GSE1: variants seen among roughly 807,000 people sequenced by gnomAD.
GSE1 encodes the protein genetic suppressor element 1.
In GSE1, 32 loss-of-function variants were observed where a neutral mutation model predicts 112.6. That is an observed-to-expected ratio of 0.28 (90% CI 0.21 to 0.38). The LOEUF is 0.38. Ranked by LOEUF, GSE1 falls within the 10% of genes least tolerant of loss-of-function variation. The probability of loss-of-function intolerance (pLI) is 1.00; values close to 1 mark genes in which losing one functional copy is unlikely to be tolerated. For synonymous variants in GSE1, 1,115 were observed against 735.6 expected, an observed-to-expected ratio of 1.52 and a Z score of -8.35; for missense variants, 2,348 against 1,699.2, an observed-to-expected ratio of 1.38 and a Z score of -6.71.
At chr16:85,466,410 C>T (rs1419155502) in intron 2 of GSE1, among the ~76,000 whole-genome samples, 1 of 152,214 alleles carries the variant, frequency 6.6e-6, no homozygotes, top group Non-Finnish European at 1.5e-5. Context: ...GCTGCCAGCG[C>T]CCGTGGGCCC....
chr16:85,482,734 T>C (rs1313148998), intron 2 of GSE1, among the ~76,000 whole-genome samples: 1 of 152,146 alleles, frequency 6.6e-6, no homozygotes, highest in Non-Finnish European at 1.5e-5. Flanking sequence ...TCCCAGCACT[T>C]TGGGAGGCCA....
At chr16:85,186,267 C>T (rs145070539) in intron 1 of GSE1, among the ~76,000 whole-genome samples, 3 of 151,802 alleles carry the variant, frequency 2.0e-5, no homozygotes, top group Non-Finnish European at 2.9e-5. Flanking sequence ...CCCAGGAGCT[C>T]GAGACCAGCC....
chr16:85,231,627 A>T (rs1408736223), intron 1 of GSE1, among the ~76,000 whole-genome samples: 1 of 152,168 alleles, frequency 6.6e-6, no homozygotes, highest in Non-Finnish European at 1.5e-5. Context: ...AGGGGTGGCT[A>T]GTTGGATGTA....
chr16:85,654,557 C>CT (rs113068263), intron 4 of GSE1, 107 bp downstream of exon 4: 43,063 of 1,020,182 alleles, frequency 0.042, 1,117 homozygotes, highest in Middle Eastern at 0.059. Context: ...GCTGTGCCTG[C>CT]TAGATGGTTG....
intron 2 of GSE1, among the ~76,000 whole-genome samples, chr16:85,435,490 C>T (rs1057421112): frequency 2.0e-5 from 3 of 152,206 alleles, no homozygotes; most frequent in Non-Finnish European, 2.9e-5. Context: ...AGATCTGTCA[C>T]AGCCCCCCGC....
chr16:85,387,948 A>ATGGT (rs2047723661), intron 2 of GSE1, among the ~76,000 whole-genome samples: 1 of 146,108 alleles, frequency 6.8e-6, no homozygotes, highest in Non-Finnish European at 1.5e-5. Flanking sequence ...GGATGGATGG[A>ATGGT]TAAAGGGATG....
rs567540370 is a variant in GSE1 at position 85,221,629 on chromosome 16, C to T, written c.2283+49822C>T. On this transcript the variant is annotated intron_variant, in intron 1 of 2. Transcript: ENST00000637419. ...GGCTGCCCCTACCCACATCCCCTGA[C>T]GAGGCCAGGACGTGCCGCCTGAATG... Among the ~76,000 whole-genome samples the T allele has an allele frequency of 1.1e-4, 17 of 152,312 alleles. No homozygotes were observed. The East Asian group carries it at 2.7e-3, about 24-fold the overall frequency.
chr16:85,529,402 T>G (rs2052472883), intron 2 of GSE1, among the ~76,000 whole-genome samples: 1 of 152,236 alleles, frequency 6.6e-6, no homozygotes, highest in African/African-American at 2.4e-5. Context: ...TTTATTTATT[T>G]TTTTAAGATG....
intron 1 of GSE1, among the ~76,000 whole-genome samples, chr16:85,344,199 G>A (rs2046685038): frequency 6.6e-6 from 1 of 152,160 alleles, no homozygotes; most frequent in South Asian, 2.1e-4. Flanking sequence ...CTGCCCGGCG[G>A]GGGAGCTAGG....
upstream of GSE1, among the ~76,000 whole-genome samples, chr16:85,607,066 G>C (rs1037464883): frequency 1.0e-4 from 15 of 144,414 alleles, no homozygotes; most frequent in South Asian, 4.7e-4. Context: ...AGCCTGGGGT[G>C]GGGGGGGCGG....
intron 1 of GSE1, among the ~76,000 whole-genome samples, chr16:85,264,030 C>T (rs1907981118): frequency 6.6e-6 from 1 of 152,130 alleles, no homozygotes; most frequent in African/African-American, 2.4e-5. Flanking sequence ...CTCTCTCCCC[C>T]AGTGAGGGCT....
rs148913539 is a variant in GSE1, at chr16:85,212,171, C to T, written c.2283+40364C>T. On this transcript the variant is annotated intron_variant, in intron 1 of 2. Transcript: ENST00000637419. Reference sequence around the variant, plus strand: ...CTGGAATCCCAGCATTTTGGGAGGCCGAGACCGGCAGAACACTTGAGGTCA... The same window carrying T: ...CTGGAATCCCAGCATTTTGGGAGGCTGAGACCGGCAGAACACTTGAGGTCA... 5.0e-3 allele frequency among the ~76,000 whole-genome samples: 765 copies of T among 152,264 alleles called. 6 individuals carry two copies. Among genetic ancestry groups the T allele is most frequent in the Middle Eastern group, 0.02 (6 of 294 alleles).
At chr16:85,477,118 G>A (rs2050482713) in intron 2 of GSE1, among the ~76,000 whole-genome samples, 1 of 152,022 alleles carries the variant, frequency 6.6e-6, no homozygotes, top group Admixed American at 6.5e-5. Flanking sequence ...AGTAGAAACG[G>A]GGTTTCGCCA....
At chr16:85,631,910 A>G (rs983430103) in intron 1 of GSE1, among the ~76,000 whole-genome samples, 1 of 152,248 alleles carries the variant, frequency 6.6e-6, no homozygotes, top group Non-Finnish European at 1.5e-5. Flanking sequence ...AGAGGCACTG[A>G]TGGCAGCCCG....
At chr16:85,662,810 G>A (rs972347327) in intron 9 of GSE1, 171 bp from the exon 10 acceptor site, 18 of 595,952 alleles carry the variant, frequency 3.0e-5, no homozygotes, top group South Asian at 2.0e-4. Flanking sequence ...AAAGCCCCAG[G>A]ACTGGGTTAA....
At chr16:85,454,817 T>A (rs1161164211) in intron 2 of GSE1, among the ~76,000 whole-genome samples, 1 of 152,050 alleles carries the variant, frequency 6.6e-6, no homozygotes, top group Non-Finnish European at 1.5e-5. Flanking sequence ...CTCTGTTTCT[T>A]AGAACGGCAC....
intron 1 of GSE1, among the ~76,000 whole-genome samples, chr16:85,278,473 C>T (rs1909592719): frequency 1.3e-5 from 2 of 152,186 alleles, no homozygotes; most frequent in Admixed American, 1.3e-4. Flanking sequence ...TCATTTGAGC[C>T]TGGTCAGACT....
intron 8 of GSE1, 74 bp downstream of exon 8, chr16:85,657,678 C>T: frequency 9.7e-7 from 1 of 1,032,156 alleles, no homozygotes; most frequent in Non-Finnish European, 1.3e-6. Context: ...TGAGCACCTC[C>T]TGTTTGCCCA....
chr16:85,498,690 A>ACC (rs1567538438), intron 2 of GSE1, among the ~76,000 whole-genome samples: 7 of 152,258 alleles, frequency 4.6e-5, no homozygotes, highest in Non-Finnish European at 7.3e-5. Context: ...GACAGCACAC[A>ACC]GTGGTGGCTG....
Sources: gnomAD v4.1 joint callset for allele counts (sites outside exome capture counted in the v4.1 genomes callset) on GRCh38, gnomAD v4.1.1 for gene constraint, MANE v1.5 for transcripts, NCBI Gene and HGNC (gene_info 2026-07-23, HGNC 2026-07-21) for gene names.